Variants in PAK3 observed in about 807,000 individuals in gnomAD.
The protein encoded by PAK3 is serine/threonine-protein kinase PAK 3.
Under a neutral mutation model 41.0 loss-of-function variants are expected in PAK3, and 4 were observed. The ratio of observed to expected loss-of-function variants is 0.10; its 90% CI spans 0.05 to 0.22. The LOEUF (loss-of-function observed/expected upper bound fraction) is 0.22, where lower values mean the gene tolerates loss of function less well. Ranked by LOEUF, PAK3 falls within the 10% of genes least tolerant of loss-of-function variation. The pLI is 1.00. For synonymous variants in PAK3, 146 were observed against 139.6 expected, an observed-to-expected ratio of 1.05 and a Z score of -0.32; for missense variants, 205 against 409.9, an observed-to-expected ratio of 0.50 and a Z score of 4.32.
At chrX:110,994,348 G>A (rs755532889) in intron 1 of PAK3, among the ~76,000 whole-genome samples, 200 of 111,661 alleles carry the variant, frequency 1.8e-3, no homozygotes, top group Non-Finnish European at 3.3e-3. Context: ...CCCTACTTTC[G>A]AGTGTGTTTA....
At chrX:111,075,429 C>T (rs1008513428) in intron 1 of PAK3, among the ~76,000 whole-genome samples, 1 of 112,668 alleles carries the variant, frequency 8.9e-6, no homozygotes, top group Non-Finnish European at 1.9e-5. Context: ...AGATACAGCT[C>T]GGACCACTGC....
At chrX:111,099,464 G>A (rs776870864) in intron 3 of PAK3, among the ~76,000 whole-genome samples, 56 of 110,474 alleles carry the variant, frequency 5.1e-4, no homozygotes, top group African/African-American at 1.8e-3. Flanking sequence ...ACTGGAAAGA[G>A]AGTAACAATT....
chrX:110,972,215 A>G (rs1266094172), intron 1 of PAK3, among the ~76,000 whole-genome samples: 7 of 111,181 alleles, frequency 6.3e-5, no homozygotes, highest in Admixed American at 9.6e-5. Flanking sequence ...AGCAGTGATG[A>G]GAGTAGAAAT....
chrX:111,063,277 A>G (rs759264004), intron 1 of PAK3, among the ~76,000 whole-genome samples: 1 of 112,340 alleles, frequency 8.9e-6, no homozygotes, highest in South Asian at 3.7e-4. Flanking sequence ...GAGGACAAAA[A>G]TACTATCTAC....
chrX:110,969,450 A>AT (rs35064494), intron 1 of PAK3, among the ~76,000 whole-genome samples: 527 of 47,292 alleles, frequency 0.011, 8 homozygotes, highest in African/African-American at 0.038. Flanking sequence ...GACGTGGCTA[A>AT]TTTTTTTTTT....
intron 10 of PAK3, among the ~76,000 whole-genome samples, 177 bp downstream of exon 10, chrX:111,163,904 C>A (rs1771531008): frequency 8.9e-6 from 1 of 112,133 alleles, no homozygotes; most frequent in Non-Finnish European, 1.9e-5. Flanking sequence ...CTCCCTTCCA[C>A]TCCTAATTTG....
intron 3 of PAK3, among the ~76,000 whole-genome samples, chrX:111,100,770 A>G (rs1035570611): frequency 9.0e-6 from 1 of 111,465 alleles, no homozygotes; most frequent in African/African-American, 3.3e-5. Context: ...CCAGACAGAG[A>G]TTCTGTCAGG....
intron 11 of PAK3, among the ~76,000 whole-genome samples, chrX:111,180,913 T>G (rs2094455518): frequency 1.8e-5 from 2 of 112,016 alleles, no homozygotes; most frequent in South Asian, 7.3e-4. Context: ...ATCATTAGAA[T>G]AGATTCCTAA....
chrX:111,217,429 C>A, intron 17 of PAK3: 1 of 685,251 alleles, frequency 1.5e-6, no homozygotes, highest in Non-Finnish European at 2.0e-6. Flanking sequence ...TGATTTTGAA[C>A]ACATAAGCCA....
chrX:111,142,614 C>A (rs919643431), intron 6 of PAK3, among the ~76,000 whole-genome samples: 2 of 112,023 alleles, frequency 1.8e-5, no homozygotes, highest in Non-Finnish European at 3.8e-5. Flanking sequence ...CAGCTAACTA[C>A]GCTAACCAAG....
chrX:110,979,497 C>T (rs1026252766), intron 1 of PAK3, among the ~76,000 whole-genome samples: 4 of 109,877 alleles, frequency 3.6e-5, no homozygotes, highest in Non-Finnish European at 7.6e-5. Context: ...CGGGGTTTCA[C>T]CGTGTTAGCC....
intron 5 of PAK3, among the ~76,000 whole-genome samples, chrX:111,139,018 G>T (rs2093834104): frequency 9.1e-6 from 1 of 110,348 alleles, no homozygotes; most frequent in African/African-American, 3.3e-5. Context: ...ACAAATGCAA[G>T]AATGTGATCT....
At chrX:111,163,213 G>A (rs1358795428) in intron 9 of PAK3, among the ~76,000 whole-genome samples, 167 bp downstream of exon 9, 1 of 111,748 alleles carries the variant, frequency 8.9e-6, no homozygotes, top group Non-Finnish European at 1.9e-5. Context: ...GAGGATACAA[G>A]GTTAGCACAT....
chrX:110,997,140 G>A (rs751799196), intron 1 of PAK3, among the ~76,000 whole-genome samples: 6 of 111,174 alleles, frequency 5.4e-5, no homozygotes, highest in Non-Finnish European at 1.1e-4. Context: ...GGCCGGTATG[G>A]CTGGAGGTTT....
chrX:110,955,448 C>T (rs182525621), intron 1 of PAK3, among the ~76,000 whole-genome samples: 5 of 111,390 alleles, frequency 4.5e-5, no homozygotes, highest in Non-Finnish European at 7.5e-5. Context: ...TTGCCGTTTC[C>T]GGTAATGAGA....
At chrX:110,975,028 G>A (rs78165423) in intron 1 of PAK3, among the ~76,000 whole-genome samples, 1,552 of 112,073 alleles carry the variant, frequency 0.014, 28 homozygotes, top group African/African-American at 0.048. Context: ...AAAACTGGAA[G>A]CATTGCCTTG....
chrX:111,017,361 C>G (rs984085450), intron 1 of PAK3, among the ~76,000 whole-genome samples: 25 of 109,448 alleles, frequency 2.3e-4, no homozygotes, highest in African/African-American at 7.6e-4. Flanking sequence ...ATCGACTAAG[C>G]AAAAAAAAGA....
intron 1 of PAK3, among the ~76,000 whole-genome samples, chrX:111,049,278 A>G (rs1480843982): frequency 8.9e-6 from 1 of 111,844 alleles, no homozygotes. Context: ...AGCCTGTTTT[A>G]TTATTGTTAT....
chrX:110,989,091 T>G (rs903535285), intron 1 of PAK3, among the ~76,000 whole-genome samples: 1 of 112,151 alleles, frequency 8.9e-6, no homozygotes, highest in Admixed American at 9.5e-5. Context: ...GTTGAAGATG[T>G]TAGCACCCCT....
Sources: allele counts gnomAD v4.1 joint callset (sites outside exome capture counted in the v4.1 genomes callset), GRCh38; gene constraint gnomAD v4.1.1; transcripts MANE v1.5; gene names NCBI Gene and HGNC (gene_info 2026-07-23, HGNC 2026-07-21).